The following DNER variants were observed in gnomAD, a reference collection of about 807,000 sequenced individuals.
DNER encodes delta and Notch-like epidermal growth factor-related receptor.
Under a neutral mutation model 78.2 loss-of-function variants are expected in DNER, and 33 were observed. The observed-to-expected ratio is 0.42, with a 90% confidence interval of 0.32 to 0.56. DNER has a LOEUF of 0.56. DNER is among the 20% of genes least tolerant of loss of function. The probability of loss-of-function intolerance (pLI) is 0.11; values close to 1 mark genes in which losing one functional copy is unlikely to be tolerated. For missense variants in DNER, 918 were observed against 975.3 expected (o/e 0.94, Z 0.78); for synonymous variants, 417 against 384.8 (o/e 1.08, Z -0.98).
At position 229,493,304 on chromosome 2, in the gene DNER, G is replaced by A. The variant is rs546903308; in HGVS notation, c.1148-16051C>T. 1.2e-4 allele frequency among the ~76,000 whole-genome samples: 19 copies of A among 152,318 alleles called. 1 individual carries two copies. In the South Asian group the frequency reaches 3.7e-3, roughly 30 times the overall value. ...TGCTAATAATATTTTGGCAGTGGTGGTTCTGAACTTGTATCACCGCTATTC... is the reference window on the plus strand; with the variant it reads ...TGCTAATAATATTTTGGCAGTGGTGATTCTGAACTTGTATCACCGCTATTC... On this transcript the variant is annotated intron_variant, in intron 6 of 12. Coordinates refer to ENST00000341772, the MANE Select transcript of DNER (RefSeq NM_139072.4).
Position 229,614,854 on chromosome 2 carries a change from T to C in DNER, c.277-22966A>G, listed in dbSNP as rs371474772. Among the ~76,000 whole-genome samples, 19 of 152,344 alleles carry C rather than the reference T, an allele frequency of 1.2e-4. No homozygotes were observed. In the East Asian group the frequency reaches 3.7e-3, roughly 29 times the overall value. ...TTAGGTGATTATTTTAAAGTTGTAT[T>C]AATATTTACCTCCCATTAACCAAGA... On this transcript the variant is annotated intron_variant, in intron 1 of 12. Coordinates refer to ENST00000341772, the MANE Select transcript of DNER (RefSeq NM_139072.4).
At chr2:229,401,597 T>C (rs11898868) in intron 10 of DNER, among the ~76,000 whole-genome samples, 2,040 of 152,212 alleles carry the variant, frequency 0.013, 38 homozygotes, top group African/African-American at 0.046. Flanking sequence ...CACTATATGA[T>C]TCCATTTATG....
At chr2:229,549,020 G>A (rs1001583233) in intron 4 of DNER, among the ~76,000 whole-genome samples, 2 of 152,032 alleles carry the variant, frequency 1.3e-5, no homozygotes, top group East Asian at 3.9e-4. Context: ...AATTTTTTTG[G>A]CAAACTGCTT....
At chr2:229,479,850 A>G (rs1695118405) in intron 6 of DNER, among the ~76,000 whole-genome samples, 1 of 152,216 alleles carries the variant, frequency 6.6e-6, no homozygotes, top group South Asian at 2.1e-4. Context: ...AGATTCTACA[A>G]TATGGCTAGA....
At chr2:229,584,536 G>T (rs569384575) in intron 4 of DNER, among the ~76,000 whole-genome samples, 26 of 152,142 alleles carry the variant, frequency 1.7e-4, no homozygotes, top group Non-Finnish European at 2.9e-4. Context: ...GCTAAACTAG[G>T]GGAAAGGTGA....
intron 1 of DNER, among the ~76,000 whole-genome samples, chr2:229,672,590 A>G (rs1378790463): frequency 1.3e-5 from 2 of 151,132 alleles, no homozygotes; most frequent in African/African-American, 4.9e-5. Context: ...AAGGAGAGAG[A>G]GAGGAAAAAG....
intron 1 of DNER, among the ~76,000 whole-genome samples, chr2:229,685,249 C>T (rs62193193): frequency 0.11 from 13,476 of 121,102 alleles, 802 homozygotes; most frequent in East Asian, 0.18. Context: ...ATTATTAAAA[C>T]TGTTCTGTTT....
rs183838616 is a variant in DNER, at chr2:229,582,100, A to G, written c.847+3758T>C. On this transcript the variant is annotated intron_variant, in intron 4 of 12. Coordinates refer to ENST00000341772, the MANE Select transcript of DNER (RefSeq NM_139072.4). ...GAAGTTTTCTTCCGCCCACCCTAACATTGGTTTGTTTGTTAAATGAACGCC... is the reference window on the plus strand; with the variant it reads ...GAAGTTTTCTTCCGCCCACCCTAACGTTGGTTTGTTTGTTAAATGAACGCC... Among the ~76,000 whole-genome samples, 10 of 152,256 alleles carry G rather than the reference A, an allele frequency of 6.6e-5. No individual in the cohort carries two copies. The East Asian group carries it at 1.9e-3, about 29-fold the overall frequency.
intron 1 of DNER, among the ~76,000 whole-genome samples, chr2:229,622,246 T>C (rs1325544770): frequency 6.6e-6 from 1 of 152,210 alleles, no homozygotes; most frequent in Non-Finnish European, 1.5e-5. Flanking sequence ...TGGAAAATAG[T>C]GATGGTTGTG....
rs537229616 is a variant in DNER, at chr2:229,662,360, C to T, written c.276+51788G>A. ...AGTAGACCTAAGGAAAAAGATAACT[C>T]ATCCCAAGGGAGTACTCATTATTTG... On this transcript the variant is annotated intron_variant, in intron 1 of 12. Transcript: ENST00000341772. 1.5e-4 allele frequency among the ~76,000 whole-genome samples: 23 copies of T among 152,302 alleles called. No homozygotes were observed. In the East Asian group the frequency reaches 4.1e-3, roughly 27 times the overall value.
Position 229,385,929 on chromosome 2 carries a change from C to T in DNER, c.1855+2336G>A, listed in dbSNP as rs557225104. ...TTTACACGTTCAATGCTATCCCCAC[C>T]GAGCTACCACTGACTTTCTTCACAG... is the stretch of plus-strand genomic sequence containing the variant. On this transcript the variant is annotated intron_variant, in intron 11 of 12. Coordinates refer to ENST00000341772, the MANE Select transcript of DNER (RefSeq NM_139072.4). 6.6e-5 allele frequency among the ~76,000 whole-genome samples: 10 copies of T among 152,172 alleles called. No homozygotes were observed. In the South Asian group the frequency reaches 8.3e-4, roughly 13 times the overall value.
chr2:229,451,598 C>A (rs1215001954), intron 7 of DNER, among the ~76,000 whole-genome samples: 1 of 152,192 alleles, frequency 6.6e-6, no homozygotes, highest in East Asian at 1.9e-4. Context: ...ACTATAATAG[C>A]CCTATCTTAC....
chr2:229,406,015 T>C (rs1279927711), intron 10 of DNER, among the ~76,000 whole-genome samples: 2 of 152,144 alleles, frequency 1.3e-5, no homozygotes, highest in East Asian at 3.8e-4. Flanking sequence ...CACTTCTCAG[T>C]CCCAAGAAAA....
At position 229,620,590 on chromosome 2, in the gene DNER, G is replaced by A. The variant is rs556383411; in HGVS notation, c.277-28702C>T. Among the ~76,000 whole-genome samples the A allele has an allele frequency of 4.6e-5, 7 of 152,346 alleles. No individual in the cohort carries two copies. In the South Asian group the frequency reaches 1.2e-3, roughly 27 times the overall value. On this transcript the variant is annotated intron_variant, in intron 1 of 12. Transcript: ENST00000341772. Reference sequence around the variant, plus strand: ...CTCGGTAGCTCCTGCAGACACAAACGTTCTCTTTTGCTTTCCTGATAGAGT... The same window carrying A: ...CTCGGTAGCTCCTGCAGACACAAACATTCTCTTTTGCTTTCCTGATAGAGT...
chr2:229,714,555 T>G lies in DNER; in HGVS notation c.-132A>C. ...CGCCGGGCCGGGCGCCTCCTGCAGCTGCGGGATCCGCGGTTCCCCGGGCAA... is the reference window on the plus strand; with the variant it reads ...CGCCGGGCCGGGCGCCTCCTGCAGCGGCGGGATCCGCGGTTCCCCGGGCAA... On this transcript the variant is annotated 5_prime_UTR_variant, in exon 1 of 13. Coordinates refer to ENST00000341772, the MANE Select transcript of DNER (RefSeq NM_139072.4). 3.2e-6 allele frequency: 3 copies of G among 951,278 alleles called. No homozygotes were observed. Among genetic ancestry groups the G allele is most frequent in the Non-Finnish European group, 3.7e-6 (3 of 801,450 alleles). The allele number at this position is 951,278 out of a possible 1,614,324, so 58.9% of individuals were successfully genotyped here.
intron 1 of DNER, among the ~76,000 whole-genome samples, chr2:229,706,223 C>G (rs1026179762): frequency 2.0e-5 from 3 of 152,050 alleles, no homozygotes; most frequent in African/African-American, 7.2e-5. Context: ...AGGAGAGGGT[C>G]AGCCAACTTC....
At chr2:229,578,986 G>A (rs1194239621) in intron 4 of DNER, among the ~76,000 whole-genome samples, 1 of 152,168 alleles carries the variant, frequency 6.6e-6, no homozygotes, top group Admixed American at 6.5e-5. Flanking sequence ...CAAGATGAGA[G>A]GCAGCTGGGT....
intron 4 of DNER, among the ~76,000 whole-genome samples, chr2:229,554,844 G>A (rs1434930153): frequency 1.4e-5 from 2 of 143,652 alleles, no homozygotes; most frequent in Non-Finnish European, 3.0e-5. Flanking sequence ...GACAGAGTAA[G>A]ACCCTGAAAG....
At chr2:229,388,630 TATATATATATATATATAG>T (rs1348499325) in intron 10 of DNER, among the ~76,000 whole-genome samples, 4 of 89,536 alleles carry the variant, frequency 4.5e-5, no homozygotes, top group African/African-American at 1.4e-4. Context: ...TATATATATA[TATATATATATATATATAG>T]CACTGGTAAA....
Sources: gnomAD v4.1 joint callset for allele counts (sites outside exome capture counted in the v4.1 genomes callset) on GRCh38, gnomAD v4.1.1 for gene constraint, MANE v1.5 for transcripts, NCBI Gene and HGNC (gene_info 2026-07-23, HGNC 2026-07-21) for gene names.